BCL11A: variants seen among roughly 807,000 people sequenced by gnomAD.
BCL11A encodes the protein BCL11 transcription factor A, also known as B cell CLL/lymphoma 11A.
BCL11A carries 2 observed loss-of-function variants against 55.9 expected under a neutral mutation model. The ratio of observed to expected loss-of-function variants is 0.04; its 90% CI spans 0.01 to 0.11. The LOEUF is 0.11. BCL11A is among the 10% of genes least tolerant of loss of function. The probability of loss-of-function intolerance (pLI) is 1.00; values close to 1 mark genes in which losing one functional copy is unlikely to be tolerated. For synonymous variants in BCL11A, 465 were observed against 473.4 expected (o/e 0.98, Z 0.23); for missense variants, 817 against 1,137.1 (o/e 0.72, Z 4.05).
chr2:60,472,545 T>C lies in BCL11A; in HGVS notation c.386-3712A>G, dbSNP rs73932588. On this transcript the variant is annotated intron_variant, in intron 2 of 3. Coordinates refer to ENST00000642384, the MANE Select transcript of BCL11A (RefSeq NM_022893.4). ...TGGCTGAATTTAAAAATAGTGACTCTTATTTTTCAGGTTTCATTAAAAAAT... is the reference window on the plus strand; with the variant it reads ...TGGCTGAATTTAAAAATAGTGACTCCTATTTTTCAGGTTTCATTAAAAAAT... Among the ~76,000 whole-genome samples, 967 of 152,350 alleles carry C rather than the reference T, an allele frequency of 6.3e-3. 11 individuals carry two copies. The highest frequency in any genetic ancestry group is 0.022 in the African/African-American group (931 of 41,572).
intron 2 of BCL11A, among the ~76,000 whole-genome samples, chr2:60,514,583 A>C (rs1166785083): frequency 1.3e-5 from 2 of 150,918 alleles, no homozygotes; most frequent in Non-Finnish European, 3.0e-5. Flanking sequence ...CAGGAGAATC[A>C]CTTGAACCTG....
At chr2:60,514,522 G>A (rs913230803) in intron 2 of BCL11A, among the ~76,000 whole-genome samples, 6 of 144,816 alleles carry the variant, frequency 4.1e-5, no homozygotes, top group African/African-American at 1.6e-4. Flanking sequence ...AAAAAAATCA[G>A]CCAGGTGTGA....
chr2:60,486,346 T>C (rs1678274070), intron 2 of BCL11A, among the ~76,000 whole-genome samples: 1 of 152,248 alleles, frequency 6.6e-6, no homozygotes, highest in Non-Finnish European at 1.5e-5. Context: ...TTTGCCTCCT[T>C]CTCACACAAT....
In BCL11A at chr2:60,458,942, G is replaced by A; in HGVS notation, c.*1462C>T. ...AGCACACAGTGTATGGAAAAGAAAT[G>A]AAGTACAACTTTTAGGGAGCACAGA... On this transcript the variant is annotated 3_prime_UTR_variant, in exon 4 of 4. Coordinates refer to ENST00000642384, the MANE Select transcript of BCL11A (RefSeq NM_022893.4). 1 of 1,034,082 alleles carries A rather than the reference G, an allele frequency of 9.7e-7. No homozygotes were observed. 64.1% of individuals were successfully genotyped at this position (1,034,082 alleles called of 1,614,324 possible). A position where few individuals can be genotyped will look rare whatever the true frequency, so the allele number is the denominator to read the frequency against.
intron 2 of BCL11A, among the ~76,000 whole-genome samples, chr2:60,504,520 G>C (rs1350154273): frequency 6.6e-6 from 1 of 151,652 alleles, no homozygotes; most frequent in Non-Finnish European, 1.5e-5. Context: ...TCTTCTTGAA[G>C]TGGGAGCTCA....
Position 60,537,650 on chromosome 2 carries a change from C to G in BCL11A, c.385+8321G>C, listed in dbSNP as rs1342682482. ...AAGAATCCAAGCTACACTTTATTTC[C>G]CTAAAAATTAACAGATGTGATTTCC... On this transcript the variant is annotated intron_variant, in intron 2 of 3. Coordinates refer to ENST00000642384, the MANE Select transcript of BCL11A (RefSeq NM_022893.4). 3 of 152,160 alleles carry G rather than the reference C, an allele frequency of 2.0e-5. No individual in the cohort carries two copies. In the East Asian group the frequency reaches 5.8e-4, roughly 29 times the overall value. The allele number at this position is 152,160 out of a possible 1,614,324, so 9.4% of individuals were successfully genotyped here.
intron 3 of BCL11A, among the ~76,000 whole-genome samples, chr2:60,468,223 A>G (rs1677001175): frequency 6.6e-6 from 1 of 152,070 alleles, no homozygotes; most frequent in Non-Finnish European, 1.5e-5. Flanking sequence ...GAGAAAAATT[A>G]GTCAAAATTA....
intron 2 of BCL11A, among the ~76,000 whole-genome samples, chr2:60,541,045 G>A (rs889071960): frequency 3.3e-5 from 5 of 151,534 alleles, no homozygotes; most frequent in South Asian, 4.2e-4. Flanking sequence ...CACAGAGAAC[G>A]GGAGGGAAAC....
At chr2:60,539,838 G>A (rs868396310) in intron 2 of BCL11A, among the ~76,000 whole-genome samples, 1 of 152,088 alleles carries the variant, frequency 6.6e-6, no homozygotes, top group Non-Finnish European at 1.5e-5. Flanking sequence ...TAAAAACTAC[G>A]TGGCAAATTA....
At chr2:60,530,466 C>T (rs1669398299) in intron 2 of BCL11A, among the ~76,000 whole-genome samples, 1 of 152,112 alleles carries the variant, frequency 6.6e-6, no homozygotes, top group Non-Finnish European at 1.5e-5. Context: ...TCCCATCTGG[C>T]CCTCGGGTTA....
intron 2 of BCL11A, among the ~76,000 whole-genome samples, chr2:60,473,039 A>AT (rs1677297377): frequency 7.6e-6 from 1 of 130,874 alleles, no homozygotes; most frequent in Admixed American, 7.6e-5. Context: ...GTGTGCATGC[A>AT]TATGTGTTTG....
chr2:60,535,777 A>G (rs1455015390), intron 2 of BCL11A: 1 of 152,358 alleles, frequency 6.6e-6, no homozygotes, highest in African/African-American at 2.4e-5. Flanking sequence ...CACCAGCCGC[A>G]TTTAATCCAT....
Position 60,462,085 on chromosome 2 carries a change from G to C in BCL11A, c.827C>G (p.Pro276Arg). 1 of 1,567,780 alleles carries C rather than the reference G, an allele frequency of 6.4e-7. No individual in the cohort carries two copies. Among genetic ancestry groups the C allele is most frequent in the Non-Finnish European group, 8.6e-7 (1 of 1,158,390 alleles). ...FSPPPRHHLD[P>R]HRIERLGAEE... ...CGCCCCCAGGCGCTCTATGCGGTGG[G>C]GGTCCAAGTGATGTCTCGGTGGTGG... Residue 276 changes from proline (P) to arginine (R), a missense_variant, in exon 4 of 4, where the codon CCC becomes CGC. Pro to Arg is a moderately radical substitution (Grantham distance 103, BLOSUM62 -2). Coordinates refer to ENST00000642384, the MANE Select transcript of BCL11A (RefSeq NM_022893.4).
intron 2 of BCL11A, among the ~76,000 whole-genome samples, chr2:60,495,940 G>A (rs1327731165): frequency 1.4e-5 from 2 of 144,744 alleles, no homozygotes; most frequent in African/African-American, 2.5e-5. Context: ...TAAATTACAA[G>A]GGTGTTTTCA....
At chr2:60,523,233 AC>A (rs553917824) in intron 2 of BCL11A, among the ~76,000 whole-genome samples, 132 of 152,302 alleles carry the variant, frequency 8.7e-4, no homozygotes, top group African/African-American at 3.1e-3. Context: ...GAAAGAATAA[AC>A]ACCAGTCTTC....
rs868741698 is a variant in BCL11A, at chr2:60,451,597, T to A, written c.*978A>T. 110 of 231,632 alleles carry A rather than the reference T, an allele frequency of 4.7e-4. No homozygotes were observed. The Middle Eastern group carries it at 0.013, about 27-fold the overall frequency. The allele number at this position is 231,632 out of a possible 1,614,324, so 14.3% of individuals were successfully genotyped here. A position where few individuals can be genotyped will look rare whatever the true frequency, so the allele number is the denominator to read the frequency against. ...AAAATCTGCCCCAAATTTCCTGATG[T>A]AAGTACTAAAGAAGTTTTATGTTTG... On this transcript the variant is annotated 3_prime_UTR_variant, in exon 5 of 5. Coordinates refer to the BCL11A transcript ENST00000356842.
intron 2 of BCL11A, among the ~76,000 whole-genome samples, chr2:60,517,915 A>C (rs761700047): frequency 6.1e-5 from 9 of 146,698 alleles, no homozygotes; most frequent in Non-Finnish European, 8.8e-5. Flanking sequence ...TTCCTCAGAA[A>C]CTCTTGTCGA....
In BCL11A at chr2:60,457,672, T is replaced by G. The variant is rs79537300; in HGVS notation, c.*2732A>C. ...ATGAAAAAAACTGCAAAACATTGGT[T>G]TTTTTTTTTTTTTCCTTTTTTTTTC... is the stretch of plus-strand genomic sequence containing the variant. On this transcript the variant is annotated 3_prime_UTR_variant, in exon 4 of 4. Transcript: ENST00000642384. 2.6e-6 allele frequency: 2 copies of G among 761,972 alleles called. No individual in the cohort carries two copies. Among genetic ancestry groups the G allele is most frequent in the Non-Finnish European group, 1.6e-6 (1 of 626,128 alleles). The allele number at this position is 761,972 out of a possible 1,614,324, so 47.2% of individuals were successfully genotyped here.
At chr2:60,519,356 G>A (rs1200985867) in intron 2 of BCL11A, among the ~76,000 whole-genome samples, 1 of 152,110 alleles carries the variant, frequency 6.6e-6, no homozygotes, top group African/African-American at 2.4e-5. Context: ...CTATCTCCAG[G>A]CAGCTGAAAG....
Sources: allele counts gnomAD v4.1 joint callset (sites outside exome capture counted in the v4.1 genomes callset), GRCh38; gene constraint gnomAD v4.1.1; transcripts MANE v1.5; gene names NCBI Gene and HGNC (gene_info 2026-07-23, HGNC 2026-07-21).